The following ATP2C1 variants were observed in gnomAD, a reference collection of about 807,000 sequenced individuals.
ATP2C1 encodes calcium-transporting ATPase type 2C member 1.
ATP2C1 carries 31 observed loss-of-function variants against 120.5 expected under a neutral mutation model. The observed-to-expected ratio is 0.26, with a 90% CI of 0.19 to 0.35. ATP2C1 has a LOEUF of 0.35. Ranked by LOEUF, ATP2C1 falls within the 10% of genes least tolerant of loss-of-function variation. The probability of loss-of-function intolerance (pLI) is 1.00; values close to 1 mark genes in which losing one functional copy is unlikely to be tolerated. For missense variants in ATP2C1, 731 were observed against 1,107.5 expected, an observed-to-expected ratio of 0.66 and a Z score of 4.83; for synonymous variants, 351 against 358.7, an observed-to-expected ratio of 0.98 and a Z score of 0.24.
chr3:130,919,194 G>C (rs538676501), intron 2 of ATP2C1: 1 of 178,658 alleles, frequency 5.6e-6, no homozygotes, highest in Non-Finnish European at 1.2e-5. Context: ...CAGGGAGTCC[G>C]AGATCGCTAG....
chr3:130,997,866 G>C lies in ATP2C1; in HGVS notation c.2391+113G>C, dbSNP rs1404221180. On this transcript the variant is annotated intron_variant, in intron 25 of 27. Transcript: ENST00000510168. Reference sequence around the variant, plus strand: ...CTGGGAAGTTAAGGGAGCTCTTTTAGTGAAAAATATAAGAACATTTTAAAA... The same window carrying C: ...CTGGGAAGTTAAGGGAGCTCTTTTACTGAAAAATATAAGAACATTTTAAAA... 3.7e-6 allele frequency: 4 copies of C among 1,076,782 alleles called. No homozygotes were observed. In the Admixed American group the frequency reaches 7.9e-5, roughly 21 times the overall value. The allele number at this position is 1,076,782 out of a possible 1,614,324, so 66.7% of individuals were successfully genotyped here. A position where few individuals can be genotyped will look rare whatever the true frequency, so the allele number is the denominator to read the frequency against.
chr3:130,941,762 T>C, intron 8 of ATP2C1, 63 bp downstream of exon 8: 1 of 1,307,070 alleles, frequency 7.7e-7, no homozygotes, highest in Non-Finnish European at 1.1e-6. Context: ...GGATAAACAT[T>C]ACTAGTTTTA....
chr3:130,962,281 T>C lies in ATP2C1; in HGVS notation c.900-1690T>C, dbSNP rs534010441. On this transcript the variant is annotated intron_variant, in intron 12 of 27. Coordinates refer to ENST00000510168, the MANE Select transcript of ATP2C1 (RefSeq NM_001378687.1). ...TATAAATCTAAAATTGAAAATGTTTTGCAGTCATGGACCAAAGAAGATAAC... is the reference window on the plus strand; with the variant it reads ...TATAAATCTAAAATTGAAAATGTTTCGCAGTCATGGACCAAAGAAGATAAC... 2.6e-5 allele frequency among the ~76,000 whole-genome samples: 4 copies of C among 152,198 alleles called. No individual in the cohort carries two copies. In the South Asian group the frequency reaches 8.3e-4, roughly 32 times the overall value.
chr3:130,851,023 G>A lies in ATP2C1; in HGVS notation c.108+95G>A, dbSNP rs1465285028. ...TGATTTCATTTGTGCTGGTTTACAT[G>A]TTTATAGGTACAGGTCAGATCCTGC... On this transcript the variant is annotated intron_variant, in intron 1 of 26. Coordinates refer to the ATP2C1 transcript ENST00000504381. 1.0e-5 allele frequency: 7 copies of A among 668,122 alleles called. No homozygotes were observed. In the African/African-American group the frequency reaches 1.1e-4, roughly 11 times the overall value. The allele number at this position is 668,122 out of a possible 1,614,324, so 41.4% of individuals were successfully genotyped here. A position where few individuals can be genotyped will look rare whatever the true frequency, so the allele number is the denominator to read the frequency against.
intron 23 of ATP2C1, 53 bp from the exon 24 acceptor site, chr3:130,996,627 G>C (rs1379464936): frequency 4.2e-6 from 5 of 1,184,494 alleles, no homozygotes; most frequent in Non-Finnish European, 6.3e-6. Context: ...TGGTATCATA[G>C]AATCAACAGA....
chr3:130,919,188 G>A (rs2058829336), intron 2 of ATP2C1: 1 of 194,806 alleles, frequency 5.1e-6, no homozygotes, highest in African/African-American at 2.4e-5. Context: ...AGTGTCCAGG[G>A]AGTCCGAGAT....
At chr3:130,874,433 T>C (rs2068534997) in intron 1 of ATP2C1, among the ~76,000 whole-genome samples, 1 of 152,198 alleles carries the variant, frequency 6.6e-6, no homozygotes, top group South Asian at 2.1e-4. Context: ...TTTAAGTACT[T>C]GTCGTAACAT....
chr3:130,978,714 T>G lies in ATP2C1; in HGVS notation c.1571-535T>G, dbSNP rs1234826550. ...TTTTACAACCACTTTCCAAATTAGC[T>G]TTACCTTCCAGGAGTTTTCATGTAC... On this transcript the variant is annotated intron_variant, in intron 18 of 27. Coordinates refer to ENST00000510168, the MANE Select transcript of ATP2C1 (RefSeq NM_001378687.1). Among the ~76,000 whole-genome samples the G allele has an allele frequency of 2.6e-5, 4 of 152,222 alleles. No individual in the cohort carries two copies. In the East Asian group the frequency reaches 7.7e-4, roughly 29 times the overall value.
chr3:130,958,327 A>G (rs1411270642), intron 11 of ATP2C1, among the ~76,000 whole-genome samples: 1 of 152,144 alleles, frequency 6.6e-6, no homozygotes, highest in African/African-American at 2.4e-5. Flanking sequence ...GAAAGCAATC[A>G]TAGAAAATAT....
intron 1 of ATP2C1, among the ~76,000 whole-genome samples, chr3:130,873,607 T>G (rs1409372468): frequency 6.6e-6 from 1 of 152,172 alleles, no homozygotes; most frequent in East Asian, 1.9e-4. Flanking sequence ...AAAATATAAG[T>G]TTTTTAAAAA....
At chr3:130,973,710 G>A (rs1041668036) in intron 17 of ATP2C1, among the ~76,000 whole-genome samples, 1 of 152,108 alleles carries the variant, frequency 6.6e-6, no homozygotes, top group African/African-American at 2.4e-5. Flanking sequence ...CTAAGTAACA[G>A]AAACTGCAGG....
In ATP2C1 at chr3:131,003,070, G is replaced by T. The variant is rs908638715; in HGVS notation, c.*1720G>T. The T allele has an allele frequency of 7.1e-6, 7 of 985,518 alleles. No homozygotes were observed. Among genetic ancestry groups the T allele is most frequent in the Non-Finnish European group, 8.4e-6 (7 of 829,736 alleles). 61.0% of individuals were successfully genotyped at this position (985,518 alleles called of 1,614,324 possible). On this transcript the variant is annotated 3_prime_UTR_variant, in exon 28 of 28. Coordinates refer to ENST00000510168, the MANE Select transcript of ATP2C1 (RefSeq NM_001378687.1). ...TGTTTTGCTTTGCATTTTAGGTTCAGATTATGACTTGATTGAAATAAATGT... is the reference window on the plus strand; with the variant it reads ...TGTTTTGCTTTGCATTTTAGGTTCATATTATGACTTGATTGAAATAAATGT...
At chr3:130,978,111 T>C (rs1373914133) in intron 18 of ATP2C1, among the ~76,000 whole-genome samples, 3 of 152,100 alleles carry the variant, frequency 2.0e-5, no homozygotes, top group African/African-American at 7.2e-5. Flanking sequence ...CTGACATATA[T>C]TTTTGTCACT....
At position 130,967,160 on chromosome 3, in the gene ATP2C1, T is replaced by C; in HGVS notation, c.1138T>C (p.Tyr380His). The change falls in exon 15 of 28, where the codon TAT (tyrosine) becomes CAT (histidine). Residue 380 changes from tyrosine to histidine, a missense_variant. This residue lies in a region of ATP2C1 where 571 missense variants were observed against 845.9 expected (regional missense o/e 0.67). Coordinates refer to ENST00000510168, the MANE Select transcript of ATP2C1 (RefSeq NM_001378687.1). ...GLHAEVTGVG[Y>H]NQFGEVIVDG... ...TGATCTTTAGGTTACTGGAGTTGGC[T>C]ATAATCAATTTGGGGAAGTGATTGT... The C allele has an allele frequency of 1.2e-6, 2 of 1,613,354 alleles. No individual in the cohort carries two copies. The highest frequency in any genetic ancestry group is 1.7e-6 in the Non-Finnish European group (2 of 1,179,320).
chr3:130,863,904 C>T (rs150722396), intron 1 of ATP2C1, among the ~76,000 whole-genome samples: 2,067 of 152,272 alleles, frequency 0.014, 42 homozygotes, highest in African/African-American at 0.048. Flanking sequence ...TTCCCAGTCT[C>T]GGGCATATCT....
chr3:130,986,504 T>C (rs907321891), intron 20 of ATP2C1, among the ~76,000 whole-genome samples: 9 of 152,236 alleles, frequency 5.9e-5, no homozygotes, highest in African/African-American at 2.2e-4. Context: ...ATCATCAGCC[T>C]GGACAAATCA....
rs893418743 is a variant in ATP2C1 at position 130,980,681 on chromosome 3, T to C, written c.1839+2T>C. On this transcript the variant is annotated splice_donor_variant, in intron 20 of 27. Coordinates refer to ENST00000510168, the MANE Select transcript of ATP2C1 (RefSeq NM_001378687.1). LOFTEE classifies it high-confidence loss of function. ...CAGCTTTCACAAATAGTACCAAAGG[T>C]AGGCCTAAACTAAAGCCTTTTGGAC... 1.2e-6 allele frequency: 2 copies of C among 1,609,642 alleles called. No homozygotes were observed. The highest frequency in any genetic ancestry group is 1.3e-5 in the African/African-American group (1 of 74,780).
intron 2 of ATP2C1, among the ~76,000 whole-genome samples, chr3:130,928,966 C>T (rs976214648): frequency 6.6e-6 from 1 of 152,130 alleles, no homozygotes; most frequent in East Asian, 1.9e-4. Flanking sequence ...AGTCTTTCCC[C>T]TGTCCTAGTT....
At chr3:130,999,714 AAT>A in intron 27 of ATP2C1, 55 bp downstream of exon 27, 1 of 1,483,588 alleles carries the variant, frequency 6.7e-7, no homozygotes, top group African/African-American at 1.4e-5. Flanking sequence ...CATATTTTCT[AAT>A]GTGTTTGTTT....
Sources: gnomAD v4.1 joint callset for allele counts (sites outside exome capture counted in the v4.1 genomes callset) on GRCh38, gnomAD v4.1.1 for gene constraint, gnomAD v4.1.1 regional missense constraint, MANE v1.5 for transcripts, NCBI Gene and HGNC (gene_info 2026-07-23, HGNC 2026-07-21) for gene names.